PDXDC1: variants seen among roughly 807,000 people sequenced by gnomAD.
PDXDC1 encodes the protein pyridoxal dependent decarboxylase domain containing 1.
In PDXDC1, 42 loss-of-function variants were observed where a neutral mutation model predicts 100.1. That is an observed-to-expected ratio of 0.42 (90% CI 0.33 to 0.54). The LOEUF (loss-of-function observed/expected upper bound fraction) is 0.54, where lower values mean the gene tolerates loss of function less well. Ranked by LOEUF, PDXDC1 falls within the 20% of genes least tolerant of loss-of-function variation. PDXDC1 has a pLI of 0.10. For missense variants in PDXDC1, 636 were observed against 979.2 expected (o/e 0.65, Z 4.68); for synonymous variants, 260 against 371.7 (o/e 0.70, Z 3.46).
chr16:15,104,726 A>G (rs1420628409), intron 16 of PDXDC1: 2 of 1,597,252 alleles, frequency 1.3e-6, no homozygotes, highest in African/African-American at 2.7e-5. Context: ...GCAATCCTGA[A>G]GAATGACGAT....
Position 15,071,302 on chromosome 16 carries a change from C to T in PDXDC1, c.1399+41246C>T, listed in dbSNP as rs751539651. On this transcript the variant is annotated intron_variant, in intron 16 of 16. Transcript: ENST00000535621. ...GATCTTTTTTAATGCCTAAGATAAT[C>T]TGGCTATCAAAATCCCAAGATTTTT... 6 of 1,525,366 alleles carry T rather than the reference C, an allele frequency of 3.9e-6. No individual in the cohort carries two copies. In the South Asian group the frequency reaches 7.6e-5, roughly 19 times the overall value. The allele number at this position is 1,525,366 out of a possible 1,614,324, so 94.5% of individuals were successfully genotyped here. A position where few individuals can be genotyped will look rare whatever the true frequency, so the allele number is the denominator to read the frequency against.
chr16:15,133,843 G>C (rs1326396756), intron 16 of PDXDC1: 16 of 1,573,420 alleles, frequency 1.0e-5, no homozygotes, highest in Non-Finnish European at 1.4e-5. Context: ...ACAGCGCCCA[G>C]TGGGAAGAGG....
chr16:15,068,856 T>C (rs1438405187), intron 16 of PDXDC1, among the ~76,000 whole-genome samples: 1 of 152,218 alleles, frequency 6.6e-6, no homozygotes, highest in Non-Finnish European at 1.5e-5. Context: ...AGACATCACA[T>C]TTATTTTAAG....
rs1395172904 is a variant in PDXDC1, at chr16:15,009,635, T to A, written c.649-46T>A. On this transcript the variant is annotated intron_variant, in intron 7 of 22. Coordinates refer to ENST00000396410, the MANE Select transcript of PDXDC1 (RefSeq NM_015027.4). ...AAGTCATAATTTTTCATTTTATAGC[T>A]TTTATACTGGGCACCTCATTTTTTA... 5 of 1,610,178 alleles carry A rather than the reference T, an allele frequency of 3.1e-6. 1 individual carries two copies. In the Middle Eastern group the frequency reaches 8.3e-4, roughly 266 times the overall value.
At chr16:15,134,996 G>C (rs926391070) in intron 16 of PDXDC1, 10 of 424,502 alleles carry the variant, frequency 2.4e-5, no homozygotes, top group Admixed American at 1.4e-4. Flanking sequence ...GGGGACAGTG[G>C]CTGCCTCTGG....
rs2044103828 is a variant in PDXDC1, at chr16:15,047,111, G to A, written c.1399+17055G>A. ...GAGGAAGCATTTAACAAGCAACTGC[G>A]GGAGGAATGACTGCATGGAGAGCTA... On this transcript the variant is annotated intron_variant, in intron 16 of 16. Coordinates refer to the PDXDC1 transcript ENST00000535621. The A allele has an allele frequency of 1.5e-5, 5 of 326,436 alleles. 1 individual carries two copies. Among genetic ancestry groups the A allele is most frequent in the South Asian group, 4.1e-5 (1 of 24,248 alleles). 20.2% of individuals were successfully genotyped at this position (326,436 alleles called of 1,614,324 possible). A position where few individuals can be genotyped will look rare whatever the true frequency, so the allele number is the denominator to read the frequency against.
At chr16:15,033,161 A>G in intron 18 of PDXDC1, 117 bp from the exon 19 acceptor site, 1 of 1,200,776 alleles carries the variant, frequency 8.3e-7, no homozygotes, top group Non-Finnish European at 1.2e-6. Context: ...CCGCCCTTAG[A>G]ATCTCCATGG....
At chr16:14,975,417 C>T (rs1446401413) in intron 1 of PDXDC1, 197 bp downstream of exon 1, 1 of 985,176 alleles carries the variant, frequency 1.0e-6, no homozygotes, top group Non-Finnish European at 1.2e-6. Context: ...TCTTGGGTCC[C>T]CGTGGGCCGA....
intron 16 of PDXDC1, chr16:15,055,600 G>A (rs2151739552): frequency 3.4e-6 from 1 of 294,054 alleles, no homozygotes; most frequent in East Asian, 5.3e-5. Context: ...GGGAATGGGG[G>A]TCCCGGCGTG....
intron 16 of PDXDC1, chr16:15,093,841 A>G (rs1350998568): frequency 2.3e-6 from 1 of 434,668 alleles, no homozygotes; most frequent in African/African-American, 2.1e-5. Flanking sequence ...AATTTGGACG[A>G]AGAAGAGGGA....
intron 16 of PDXDC1, chr16:15,110,604 T>G (rs968502143): frequency 6.3e-7 from 1 of 1,581,536 alleles, no homozygotes; most frequent in East Asian, 2.2e-5. Flanking sequence ...CAAATGGACT[T>G]CAGCCCTTGG....
chr16:15,028,477 TA>T (rs2042796034), intron 14 of PDXDC1, among the ~76,000 whole-genome samples: 1 of 152,296 alleles, frequency 6.6e-6, no homozygotes, highest in South Asian at 2.1e-4. Context: ...ACAGAAACCT[TA>T]CCTGCCTTCT....
intron 16 of PDXDC1, among the ~76,000 whole-genome samples, chr16:15,092,844 C>T (rs1172996437): frequency 2.0e-5 from 3 of 152,148 alleles, no homozygotes; most frequent in African/African-American, 7.2e-5. Context: ...CTTTAAGATC[C>T]TACATTAATC....
chr16:15,135,808 G>A (rs2048322071), intron 16 of PDXDC1: 9 of 1,502,296 alleles, frequency 6.0e-6, no homozygotes, highest in Non-Finnish European at 8.3e-6. Flanking sequence ...GGCGCTCAGG[G>A]GCCACCGTCA....
At chr16:15,119,604 AG>A (rs2047370637) in intron 16 of PDXDC1, among the ~76,000 whole-genome samples, 2 of 145,480 alleles carry the variant, frequency 1.4e-5, no homozygotes, top group African/African-American at 5.1e-5. Context: ...TTTTTAGTAG[AG>A]ATGAGGTTTC....
the PDXDC1 span, among the ~76,000 whole-genome samples, chr16:15,145,816 G>A: frequency 1.3e-5 from 2 of 152,282 alleles, no homozygotes; most frequent in African/African-American, 4.8e-5. Context: ...GCCAGCTGGA[G>A]CGCAGGCAGC....
intron 16 of PDXDC1, among the ~76,000 whole-genome samples, chr16:15,079,171 A>ACC (rs111707572): frequency 5.3e-5 from 8 of 151,536 alleles, no homozygotes; most frequent in South Asian, 2.1e-4. Flanking sequence ...ACAGGGAGCA[A>ACC]AGTTGAAGGA....
At chr16:15,051,098 A>G (rs2044274341) in intron 16 of PDXDC1, among the ~76,000 whole-genome samples, 1 of 152,212 alleles carries the variant, frequency 6.6e-6, no homozygotes, top group South Asian at 2.1e-4. Context: ...TACTCCTGAG[A>G]TACTTACCTT....
At chr16:15,018,090 ATT>A (rs377561197) in intron 11 of PDXDC1, among the ~76,000 whole-genome samples, 36 of 143,394 alleles carry the variant, frequency 2.5e-4, no homozygotes, top group Non-Finnish European at 2.4e-4. Context: ...ACCTGGCCAC[ATT>A]TTTTTTTTTT....
Sources: gnomAD v4.1 joint callset for allele counts (sites outside exome capture counted in the v4.1 genomes callset) on GRCh38, gnomAD v4.1.1 for gene constraint, MANE v1.5 for transcripts, NCBI Gene and HGNC (gene_info 2026-07-23, HGNC 2026-07-21) for gene names.